The following CALML4 variants were observed in gnomAD, a reference collection of about 807,000 sequenced individuals.
The protein encoded by CALML4 is calmodulin-like protein 4.
In CALML4, 16 loss-of-function variants were observed where a neutral mutation model predicts 17.9. That is an observed-to-expected ratio of 0.89 (90% confidence interval 0.61 to 1.36). The LOEUF is 1.36. Ranked by LOEUF, CALML4 falls within the 40% of genes most tolerant of loss-of-function variation. CALML4 has a pLI of 0.00. For synonymous variants in CALML4, 86 were observed against 71.5 expected, an observed-to-expected ratio of 1.20 and a Z score of -1.02; for missense variants, 203 against 194.8, an observed-to-expected ratio of 1.04 and a Z score of -0.25.
At chr15:68,202,232 C>T (rs1324020869) in intron 2 of CALML4, among the ~76,000 whole-genome samples, 1 of 152,238 alleles carries the variant, frequency 6.6e-6, no homozygotes, top group African/African-American at 2.4e-5. Context: ...GTACTTGTGT[C>T]CTCTGCACTG....
At position 68,195,910 on chromosome 15, in the gene CALML4, A is replaced by G. The variant is rs556792074; in HGVS notation, c.364+1530T>C. On this transcript the variant is annotated intron_variant, in intron 4 of 4. Transcript: ENST00000467889. ...AGGCCCTGCTCCCTCTGCTGACTCC[A>G]CCTGCTGTCTAGAGGGCCGGGCAGT... is the stretch of plus-strand genomic sequence containing the variant. Among the ~76,000 whole-genome samples, 10 of 152,086 alleles carry G rather than the reference A, an allele frequency of 6.6e-5. No homozygotes were observed. In the South Asian group the frequency reaches 2.1e-3, roughly 32 times the overall value.
chr15:68,205,284 C>G lies in CALML4; in HGVS notation c.-37G>C. 1 of 1,614,134 alleles carries G rather than the reference C, an allele frequency of 6.2e-7. No homozygotes were observed. The highest frequency in any genetic ancestry group is 8.5e-7 in the Non-Finnish European group (1 of 1,180,036). ...GGCTGCTACCCGTGGGCTTGCTGCTCCCAGAACCGCGTTCAGTTCCCTTTC... is the reference window on the plus strand; with the variant it reads ...GGCTGCTACCCGTGGGCTTGCTGCTGCCAGAACCGCGTTCAGTTCCCTTTC... On this transcript the variant is annotated 5_prime_UTR_variant, in exon 1 of 5. Transcript: ENST00000467889. The surrounding 1 kb of genome is among the most constrained non-coding windows in gnomAD (Gnocchi z 4.8).
At position 68,205,130 on chromosome 15, in the gene CALML4, G is replaced by A; in HGVS notation, c.25C>T (p.Gln9Ter). 6.2e-7 allele frequency: 1 copy of A among 1,614,066 alleles called. No individual in the cohort carries two copies. The highest frequency in any genetic ancestry group is 8.5e-7 in the Non-Finnish European group (1 of 1,180,014). Residue 9 changes from glutamine (Q) to a stop codon, truncating the protein, a stop_gained, in exon 2 of 5, where the codon CAA (glutamine) becomes TAA (stop). Coordinates refer to ENST00000467889, the MANE Select transcript of CALML4 (RefSeq NM_033429.3). LOFTEE classifies it high-confidence loss of function. The surrounding 1 kb of genome is among the most constrained non-coding windows in gnomAD (Gnocchi z 4.8). Reference sequence around the variant, plus strand: ...AACAAACCCAACCTACCATTAATTTGGTCTTGGGAAAGAAACTTGGCCTGC... The same window carrying A: ...AACAAACCCAACCTACCATTAATTTAGTCTTGGGAAAGAAACTTGGCCTGC... MAKFLSQD[Q>*]INEYKECFSL...
At chr15:68,194,693 C>CT (rs1010149766) in intron 4 of CALML4, among the ~76,000 whole-genome samples, 1 of 152,016 alleles carries the variant, frequency 6.6e-6, no homozygotes, top group Middle Eastern at 3.2e-3. Context: ...CCACCCTGTG[C>CT]TTTTATTTTT....
intron 3 of CALML4, among the ~76,000 whole-genome samples, chr15:68,198,927 C>T (rs560676152): frequency 3.9e-5 from 6 of 152,124 alleles, no homozygotes; most frequent in Admixed American, 6.5e-5. Context: ...TTTGGGAGGC[C>T]GAGGCAGGCA....
chr15:68,205,540 AGT>A (rs2093180528), upstream of CALML4: 3 of 813,876 alleles, frequency 3.7e-6, no homozygotes, highest in African/African-American at 5.2e-5. This position sits in a 1 kb window ranked among gnomAD's most constrained non-coding sequence, Gnocchi z 4.8. Flanking sequence ...GACAAATGCC[AGT>A]GTTTCTTCCC....
chr15:68,199,244 G>T (rs555885658), intron 3 of CALML4, among the ~76,000 whole-genome samples: 1 of 152,238 alleles, frequency 6.6e-6, no homozygotes, highest in Non-Finnish European at 1.5e-5. Flanking sequence ...TCAACAAAGG[G>T]AAATGTTCCT....
Position 68,191,523 on chromosome 15 carries a change from G to C in CALML4, c.*2492C>G, listed in dbSNP as rs762883862. The C allele has an allele frequency of 5.2e-5, 8 of 152,656 alleles. No homozygotes were observed. Among genetic ancestry groups the C allele is most frequent in the Non-Finnish European group, 1.0e-4 (7 of 68,040 alleles). 9.5% of individuals were successfully genotyped at this position (152,656 alleles called of 1,614,324 possible). A position where few individuals can be genotyped will look rare whatever the true frequency, so the allele number is the denominator to read the frequency against. ...CAAGGGGACAATCCCTATGAGACAA[G>C]TGATAATGGTTTGTGCTTCCAAAGC... On this transcript the variant is annotated 3_prime_UTR_variant, in exon 5 of 5. Coordinates refer to ENST00000467889, the MANE Select transcript of CALML4 (RefSeq NM_033429.3).
At position 68,205,198 on chromosome 15, in the gene CALML4, T is replaced by C; in HGVS notation, c.3+47A>G. ...AGTCAGGGGAGGGCTCCACCTGAGG[T>C]TCACGCCCCCAGCCCTGGCCAGGCC... On this transcript the variant is annotated intron_variant, in intron 1 of 4. Coordinates refer to ENST00000467889, the MANE Select transcript of CALML4 (RefSeq NM_033429.3). The surrounding 1 kb of genome is among the most constrained non-coding windows in gnomAD (Gnocchi z 4.8). The C allele has an allele frequency of 6.2e-7, 1 of 1,613,994 alleles. No homozygotes were observed. Among genetic ancestry groups the C allele is most frequent in the Non-Finnish European group, 8.5e-7 (1 of 1,179,982 alleles).
chr15:68,196,246 G>A (rs1454816582), intron 4 of CALML4, among the ~76,000 whole-genome samples: 3 of 152,152 alleles, frequency 2.0e-5, no homozygotes, highest in Non-Finnish European at 4.4e-5. Context: ...TTTAAACTCT[G>A]CAGCAATTTT....
chr15:68,198,157 C>A (rs3743089), intron 3 of CALML4: 74,215 of 152,466 alleles, frequency 0.49, 18,805 homozygotes, highest in Middle Eastern at 0.56. Context: ...GAAATCAAAA[C>A]TTCCCTGGAC....
chr15:68,196,513 C>A (rs2093145180), intron 4 of CALML4, among the ~76,000 whole-genome samples: 1 of 152,168 alleles, frequency 6.6e-6, no homozygotes, highest in Non-Finnish European at 1.5e-5. Flanking sequence ...CCACTTGTGG[C>A]CAAGCCCAGC....
chr15:68,205,483 G>T, upstream of CALML4: 1 of 1,371,056 alleles, frequency 7.3e-7, no homozygotes. This position sits in a 1 kb window ranked among gnomAD's most constrained non-coding sequence, Gnocchi z 4.8. Flanking sequence ...GCTGCAGAAG[G>T]CTCTCCCTGG....
At chr15:68,194,705 T>C (rs980751103) in intron 4 of CALML4, among the ~76,000 whole-genome samples, 1 of 152,104 alleles carries the variant, frequency 6.6e-6, no homozygotes, top group Non-Finnish European at 1.5e-5. Flanking sequence ...TTTATTTTTA[T>C]TTTTTCATGA....
At chr15:68,195,853 G>A (rs2093142215) in intron 4 of CALML4, among the ~76,000 whole-genome samples, 1 of 152,128 alleles carries the variant, frequency 6.6e-6, no homozygotes, top group African/African-American at 2.4e-5. Flanking sequence ...CCATGGCATT[G>A]CTTAGGACAG....
At chr15:68,205,380 G>A (rs369038361), upstream of CALML4, 39 of 1,613,478 alleles carry the variant, frequency 2.4e-5, no homozygotes, top group Non-Finnish European at 3.1e-5. The surrounding 1 kb of genome is among the most constrained non-coding windows in gnomAD (Gnocchi z 4.8). Context: ...CTGCCATGGA[G>A]ACTGGGCCCG....
rs1281861986 is a variant in CALML4, at chr15:68,202,639, C to G, written c.34+2482G>C. On this transcript the variant is annotated intron_variant, in intron 2 of 4. Coordinates refer to ENST00000467889, the MANE Select transcript of CALML4 (RefSeq NM_033429.3). ...ACTTGATTACCACAAATGAGTTTTG[C>G]CAACTTTTTTTTTTTTTTTTTTTGA... is the stretch of plus-strand genomic sequence containing the variant. Among the ~76,000 whole-genome samples, 4 of 137,948 alleles carry G rather than the reference C, an allele frequency of 2.9e-5. No homozygotes were observed. In the Admixed American group the frequency reaches 3.1e-4, roughly 11 times the overall value. The allele number at this position is 137,948 out of a possible 152,430, so 90.5% of individuals were successfully genotyped here.
intron 4 of CALML4, among the ~76,000 whole-genome samples, chr15:68,195,046 C>CAAAA (rs35627887): frequency 7.6e-5 from 10 of 130,734 alleles, no homozygotes; most frequent in African/African-American, 2.2e-4. Context: ...TCCATCACTC[C>CAAAA]AAAAAAAAAA....
intron 4 of CALML4, among the ~76,000 whole-genome samples, chr15:68,194,693 CTTTTAT>C (rs570726049): frequency 7.2e-5 from 11 of 152,016 alleles, no homozygotes; most frequent in African/African-American, 2.7e-4. Flanking sequence ...CCACCCTGTG[CTTTTAT>C]TTTTATTTTT....
Sources: gnomAD v4.1 joint callset for allele counts (sites outside exome capture counted in the v4.1 genomes callset) on GRCh38, gnomAD v4.1.1 for gene constraint, Gnocchi (gnomAD v3.1) non-coding constraint, MANE v1.5 for transcripts, NCBI Gene and HGNC (gene_info 2026-07-23, HGNC 2026-07-21) for gene names.